The following DOCK3 variants were observed in gnomAD, a reference collection of about 807,000 sequenced individuals.
The protein encoded by DOCK3 is dedicator of cytokinesis 3.
DOCK3 carries 60 observed loss-of-function variants against 265.6 expected under a neutral mutation model. The observed-to-expected ratio is 0.23, with a 90% CI of 0.18 to 0.28. DOCK3 has a LOEUF of 0.28. DOCK3 is among the 10% of genes least tolerant of loss of function. The pLI, the probability that DOCK3 is intolerant of heterozygous loss-of-function variation, is 1.00. For synonymous variants in DOCK3, 881 were observed against 938.0 expected (o/e 0.94, Z 1.11); for missense variants, 1,981 against 2,594.3 (o/e 0.76, Z 5.14).
chr3:51,362,033 C>G (rs1306050463), intron 48 of DOCK3, 36 bp downstream of exon 48: 72 of 1,578,064 alleles, frequency 4.6e-5, no homozygotes, highest in Non-Finnish European at 6.1e-5. Context: ...GCCAGGGCAC[C>G]ATGCCTACAG....
chr3:50,840,627 G>T (rs2045777445), intron 2 of DOCK3, among the ~76,000 whole-genome samples: 2 of 152,202 alleles, frequency 1.3e-5, no homozygotes, highest in Non-Finnish European at 2.9e-5. Flanking sequence ...TGTTCTCATT[G>T]CTTTTATGGA....
intron 2 of DOCK3, chr3:50,786,869 G>T (rs1559637213): frequency 1.4e-6 from 1 of 740,096 alleles, no homozygotes; most frequent in Non-Finnish European, 2.6e-6. Flanking sequence ...GCATCTGAAG[G>T]ACTTCTCTCC....
At chr3:51,212,693 A>G in intron 13 of DOCK3, among the ~76,000 whole-genome samples, 1 of 152,238 alleles carries the variant, frequency 6.6e-6, no homozygotes, top group East Asian at 1.9e-4. Flanking sequence ...TTTCAGGTTC[A>G]TAAACTAATT....
At chr3:51,174,960 A>T (rs972388278) in intron 12 of DOCK3, among the ~76,000 whole-genome samples, 1 of 152,170 alleles carries the variant, frequency 6.6e-6, no homozygotes, top group African/African-American at 2.4e-5. Flanking sequence ...TGGTCAATAG[A>T]GCTGAGGCAA....
At chr3:51,101,138 G>T (rs1560063170) in intron 9 of DOCK3, among the ~76,000 whole-genome samples, 1 of 141,778 alleles carries the variant, frequency 7.1e-6, no homozygotes, top group Non-Finnish European at 1.5e-5. Context: ...TTTTGAGACG[G>T]AGTCTCACTC....
chr3:51,140,116 A>G (rs2084980625), intron 9 of DOCK3, among the ~76,000 whole-genome samples: 1 of 152,244 alleles, frequency 6.6e-6, no homozygotes, highest in Non-Finnish European at 1.5e-5. Flanking sequence ...CATAATTCAC[A>G]TACTATAGAG....
intron 3 of DOCK3, among the ~76,000 whole-genome samples, chr3:50,860,191 C>T (rs1411859774): frequency 6.6e-6 from 1 of 152,146 alleles, no homozygotes; most frequent in East Asian, 1.9e-4. Flanking sequence ...GACAGAATGG[C>T]CTGCTCTTTT....
chr3:51,048,318 G>A (rs2080854107), intron 5 of DOCK3, among the ~76,000 whole-genome samples: 1 of 152,120 alleles, frequency 6.6e-6, no homozygotes, highest in African/African-American at 2.4e-5. Flanking sequence ...TCTAAGATTA[G>A]GAATAAGATA....
At chr3:51,282,307 T>C (rs2081166332) in intron 27 of DOCK3, among the ~76,000 whole-genome samples, 1 of 149,656 alleles carries the variant, frequency 6.7e-6, no homozygotes, top group Admixed American at 6.7e-5. Flanking sequence ...ATTATATCCA[T>C]CTTAAAAAGA....
rs112035644 is a variant in DOCK3, at chr3:50,828,353, A to C, written c.122-13322A>C. On this transcript the variant is annotated intron_variant, in intron 2 of 52. Transcript: ENST00000266037. The stretch of plus-strand genomic sequence containing the variant: ...TGTCTTTTATGCAACTATGGTCTAT[A>C]TTTTACTTCTGTCTACATTCATTCG... 3.9e-5 allele frequency among the ~76,000 whole-genome samples: 6 copies of C among 152,132 alleles called. 2 individuals carry two copies. The highest frequency in any genetic ancestry group is 1.4e-4 in the African/African-American group (6 of 41,512).
chr3:51,187,288 A>T (rs534148695), intron 12 of DOCK3, among the ~76,000 whole-genome samples: 1 of 152,212 alleles, frequency 6.6e-6, no homozygotes, highest in African/African-American at 2.4e-5. Flanking sequence ...TCAGACTTGC[A>T]TGGGGCCTGT....
chr3:51,288,899 T>TGTGTGG (rs2081569880), intron 27 of DOCK3, among the ~76,000 whole-genome samples: 1 of 148,024 alleles, frequency 6.8e-6, no homozygotes, highest in South Asian at 2.1e-4. Context: ...TGTGTGTGTG[T>TGTGTGG]GTGGGTGTGT....
chr3:51,288,469 A>G (rs1576664000), intron 27 of DOCK3, among the ~76,000 whole-genome samples: 1 of 151,702 alleles, frequency 6.6e-6, no homozygotes. Flanking sequence ...GAGGAGGGTG[A>G]GGATCAAAAA....
At chr3:50,769,363 T>C (rs1480638329) in intron 1 of DOCK3, among the ~76,000 whole-genome samples, 4 of 152,180 alleles carry the variant, frequency 2.6e-5, no homozygotes, top group African/African-American at 9.7e-5. Flanking sequence ...ATGTTAGATA[T>C]ATTAATGGAA....
At chr3:50,981,289 A>G (rs1408849825) in intron 5 of DOCK3, among the ~76,000 whole-genome samples, 1 of 152,204 alleles carries the variant, frequency 6.6e-6, no homozygotes, top group Non-Finnish European at 1.5e-5. Context: ...GTTTTATTCC[A>G]TTGTGACAGA....
At chr3:51,186,296 T>G (rs1435383432) in intron 12 of DOCK3, among the ~76,000 whole-genome samples, 19 of 152,180 alleles carry the variant, frequency 1.2e-4, no homozygotes, top group Non-Finnish European at 2.8e-4. Context: ...CATAGAGATT[T>G]GTGGAACATT....
At chr3:51,336,674 A>G (rs1176421497) in intron 35 of DOCK3, among the ~76,000 whole-genome samples, 1 of 152,200 alleles carries the variant, frequency 6.6e-6, no homozygotes, top group Admixed American at 6.5e-5. Context: ...GCAGAGGTAC[A>G]CAAAAAAAGA....
At chr3:51,326,415 C>G (rs966204012) in intron 32 of DOCK3, among the ~76,000 whole-genome samples, 3 of 151,370 alleles carry the variant, frequency 2.0e-5, no homozygotes, top group Non-Finnish European at 2.9e-5. Context: ...TGCATGCCAC[C>G]ACACCCAGCT....
intron 40 of DOCK3, among the ~76,000 whole-genome samples, chr3:51,354,505 A>G (rs567064829): frequency 4.7e-4 from 72 of 152,244 alleles, no homozygotes; most frequent in African/African-American, 1.7e-3. Flanking sequence ...TTGTCACGGT[A>G]CCCACATAGA....
Sources: allele counts gnomAD v4.1 joint callset (sites outside exome capture counted in the v4.1 genomes callset), GRCh38; gene constraint gnomAD v4.1.1; transcripts MANE v1.5; gene names NCBI Gene and HGNC (gene_info 2026-07-23, HGNC 2026-07-21).